SCN8A: variants seen among roughly 807,000 people sequenced by gnomAD.
The protein encoded by SCN8A is sodium channel protein type 8 subunit alpha.
Under a neutral mutation model 184.1 loss-of-function variants are expected in SCN8A, and 30 were observed. That is an observed-to-expected ratio of 0.16 (90% CI 0.12 to 0.22). The LOEUF (loss-of-function observed/expected upper bound fraction) is 0.22, where lower values mean the gene tolerates loss of function less well. Among genes scored for constraint, SCN8A ranks in the 10% least tolerant of loss-of-function variants. The pLI is 1.00. For missense variants in SCN8A, 1,057 were observed against 2,498.9 expected (o/e 0.42, Z 12.30); for synonymous variants, 852 against 907.0 (o/e 0.94, Z 1.09).
chr12:51,763,310 A>C (rs1239310309), intron 15 of SCN8A, among the ~76,000 whole-genome samples: 3 of 152,242 alleles, frequency 2.0e-5, no homozygotes, highest in African/African-American at 7.2e-5. Flanking sequence ...TCAATAAATT[A>C]CATGAGATAT....
At chr12:51,666,365 A>G (rs1941033593) in intron 2 of SCN8A, among the ~76,000 whole-genome samples, 1 of 152,154 alleles carries the variant, frequency 6.6e-6, no homozygotes, top group Non-Finnish European at 1.5e-5. Flanking sequence ...CTGTTATACA[A>G]ATGTCTTTAA....
Position 51,687,115 on chromosome 12 carries a change from A to G in SCN8A, c.510A>G (p.Thr170=), listed in dbSNP as rs773697137. The G allele has an allele frequency of 2.5e-6, 4 of 1,613,342 alleles. No homozygotes were observed. In the African/African-American group the frequency reaches 4.0e-5, roughly 16 times the overall value. ...GGTACACGTTCACAGGGATTTATAC[A>G]TTTGAATCACTAGTGAAAATCATTG... ...NVEYTFTGIY[T]FESLVKIIAR... The change falls in exon 5 of 27, where the codon ACA becomes ACG. Residue 170 remains threonine, a synonymous_variant. Coordinates refer to ENST00000627620, the MANE Select transcript of SCN8A (RefSeq NM_001330260.2).
intron 1 of SCN8A, among the ~76,000 whole-genome samples, chr12:51,645,129 G>A (rs1443163513): frequency 2.1e-4 from 31 of 147,032 alleles, no homozygotes; most frequent in Non-Finnish European, 2.3e-4. Flanking sequence ...GGTGAGGGGC[G>A]CCTCTGCCCG....
chr12:51,612,000 C>T lies in SCN8A; in HGVS notation c.-55+20641C>T, dbSNP rs532967074. Among the ~76,000 whole-genome samples, 6 of 152,248 alleles carry T rather than the reference C, an allele frequency of 3.9e-5. No homozygotes were observed. In the South Asian group the frequency reaches 1.2e-3, roughly 32 times the overall value. ...ATAGTTTTATTTCTTCCTGTCTAAT[C>T]TATATGCCTTTTCTTTGTTTCTTTT... is the stretch of plus-strand genomic sequence containing the variant. On this transcript the variant is annotated intron_variant, in intron 1 of 26. Coordinates refer to ENST00000627620, the MANE Select transcript of SCN8A (RefSeq NM_001330260.2).
At chr12:51,660,638 C>G (rs543289027) in intron 1 of SCN8A, among the ~76,000 whole-genome samples, 4 of 152,218 alleles carry the variant, frequency 2.6e-5, no homozygotes, top group Admixed American at 6.5e-5. Flanking sequence ...TCTTCTGGCT[C>G]TATAACTTTG....
chr12:51,708,404 A>C (rs978495633), intron 11 of SCN8A, among the ~76,000 whole-genome samples: 2 of 152,228 alleles, frequency 1.3e-5, no homozygotes, highest in Admixed American at 1.3e-4. Context: ...AGATGTCATC[A>C]CATAAATAGG....
At chr12:51,643,115 G>A (rs953192514) in intron 1 of SCN8A, among the ~76,000 whole-genome samples, 21 of 152,272 alleles carry the variant, frequency 1.4e-4, no homozygotes, top group Admixed American at 2.6e-4. Context: ...TCCCTGAGTA[G>A]CAAAACTTCA....
intron 14 of SCN8A, among the ~76,000 whole-genome samples, chr12:51,756,410 G>T (rs968872249): frequency 6.6e-6 from 1 of 152,118 alleles, no homozygotes; most frequent in Non-Finnish European, 1.5e-5. Context: ...AGCTCACCTG[G>T]CTCTGGCACC....
Position 51,650,506 on chromosome 12 carries a change from CTT to C in SCN8A, c.-54-12238_-54-12237del, listed in dbSNP as rs71092715. ...ATCATGGCGGGAGGCAAAAGGCACT[CTT>C]TTTTTTTTTTTTTTTTTTTGAGACA... is the stretch of plus-strand genomic sequence containing the variant. On this transcript the variant is annotated intron_variant, in intron 1 of 26. Coordinates refer to ENST00000627620, the MANE Select transcript of SCN8A (RefSeq NM_001330260.2). Among the ~76,000 whole-genome samples, 795 of 101,060 alleles carry C rather than the reference CTT, an allele frequency of 7.9e-3. 4 individuals carry two copies. Among genetic ancestry groups the C allele is most frequent in the African/African-American group, 0.019 (510 of 27,144 alleles). 66.3% of individuals were successfully genotyped at this position (101,060 alleles called of 152,430 possible). A position where few individuals can be genotyped will look rare whatever the true frequency, so the allele number is the denominator to read the frequency against.
intron 1 of SCN8A, among the ~76,000 whole-genome samples, chr12:51,614,192 C>G (rs928466362): frequency 2.0e-5 from 3 of 151,764 alleles, no homozygotes; most frequent in African/African-American, 7.3e-5. Context: ...TTTTGTCCAT[C>G]GACTATACTT....
rs376102810 is a variant in SCN8A at position 51,769,918 on chromosome 12, A to G, written c.3423A>G (p.Pro1141=). 125 of 1,608,494 alleles carry G rather than the reference A, an allele frequency of 7.8e-5. No individual in the cohort carries two copies. Among genetic ancestry groups the G allele is most frequent in the East Asian group, 6.5e-4 (29 of 44,788 alleles). The change falls in exon 18 of 27, where the codon CCA becomes CCG. Residue 1141 remains proline (P), a synonymous_variant. Coordinates refer to ENST00000627620, the MANE Select transcript of SCN8A (RefSeq NM_001330260.2). ...AAGGAAGCACCATTGATATCAAACCAGAAGTAGAAGAGGTCCCTGTGGAAC... is the reference window on the plus strand; with the variant it reads ...AAGGAAGCACCATTGATATCAAACCGGAAGTAGAAGAGGTCCCTGTGGAAC... ...SSEGSTIDIK[P]EVEEVPVEQP...
At chr12:51,618,458 AACACACACACACACACACACACACACAC>A (rs56163627) in intron 1 of SCN8A, among the ~76,000 whole-genome samples, 29 of 138,942 alleles carry the variant, frequency 2.1e-4, no homozygotes, top group South Asian at 7.4e-4. Flanking sequence ...ATACCAGAGC[AACACACACACACACACACACACACACAC>A]ACACACACAC....
At chr12:51,756,641 C>T (rs906646189) in intron 14 of SCN8A, among the ~76,000 whole-genome samples, 6 of 152,238 alleles carry the variant, frequency 3.9e-5, no homozygotes, top group East Asian at 1.9e-4. Flanking sequence ...TTGCCCAAAG[C>T]GGATGCCTCT....
chr12:51,634,699 A>C (rs1430487603), intron 1 of SCN8A, among the ~76,000 whole-genome samples: 3 of 145,072 alleles, frequency 2.1e-5, no homozygotes, highest in Non-Finnish European at 4.5e-5. Context: ...CCCAGGCTGG[A>C]GTGCAGTGGC....
intron 1 of SCN8A, among the ~76,000 whole-genome samples, chr12:51,596,572 A>G (rs1021951547): frequency 1.3e-5 from 2 of 152,212 alleles, no homozygotes; most frequent in African/African-American, 4.8e-5. Flanking sequence ...AGCTAAACAT[A>G]TCTTAGTGAG....
intron 2 of SCN8A, among the ~76,000 whole-genome samples, chr12:51,668,145 C>T (rs1034510837): frequency 3.4e-5 from 5 of 148,844 alleles, no homozygotes; most frequent in South Asian, 2.1e-4. Context: ...ATCACGCCAT[C>T]GCACTCCAGC....
Position 51,608,021 on chromosome 12 carries a change from C to CT in SCN8A, c.-55+16679dup, listed in dbSNP as rs749172465. Among the ~76,000 whole-genome samples, 1,328 of 133,426 alleles carry CT rather than the reference C, an allele frequency of 1.0e-2. 10 individuals are homozygous for CT. The highest frequency in any genetic ancestry group is 0.027 in the African/African-American group (970 of 36,348). The allele number at this position is 133,426 out of a possible 152,430, so 87.5% of individuals were successfully genotyped here. On this transcript the variant is annotated intron_variant, in intron 1 of 26. Coordinates refer to ENST00000627620, the MANE Select transcript of SCN8A (RefSeq NM_001330260.2). ...GGATTGGTACCAATTTTTCTTTTTCCTTTTTTTTTTTTTTTTTGAGATGGA... is the reference window on the plus strand; with the variant it reads ...GGATTGGTACCAATTTTTCTTTTTCCTTTTTTTTTTTTTTTTTTGAGATGGA...
intron 1 of SCN8A, among the ~76,000 whole-genome samples, chr12:51,597,718 C>T (rs1040649105): frequency 6.6e-6 from 1 of 152,166 alleles, no homozygotes; most frequent in Non-Finnish European, 1.5e-5. Flanking sequence ...GGCTGAGCCT[C>T]TACAAGTTTA....
chr12:51,768,560 C>T (rs1339571539), intron 16 of SCN8A, among the ~76,000 whole-genome samples: 1 of 152,020 alleles, frequency 6.6e-6, no homozygotes, highest in Admixed American at 6.6e-5. Flanking sequence ...AATGTCCTTC[C>T]AAAATGGATA....
Sources: gnomAD v4.1 joint callset for allele counts (sites outside exome capture counted in the v4.1 genomes callset) on GRCh38, gnomAD v4.1.1 for gene constraint, MANE v1.5 for transcripts, NCBI Gene and HGNC (gene_info 2026-07-23, HGNC 2026-07-21) for gene names.